TMEM132B: variants seen among roughly 807,000 people sequenced by gnomAD.
TMEM132B encodes transmembrane protein 132B.
TMEM132B carries 18 observed loss-of-function variants against 90.8 expected under a neutral mutation model. The ratio of observed to expected loss-of-function variants is 0.20; its 90% CI spans 0.14 to 0.29. TMEM132B has a LOEUF of 0.29. Ranked by LOEUF, TMEM132B falls within the 10% of genes least tolerant of loss-of-function variation. The pLI, the probability that TMEM132B is intolerant of heterozygous loss-of-function variation, is 1.00. For synonymous variants in TMEM132B, 504 were observed against 523.3 expected, an observed-to-expected ratio of 0.96 and a Z score of 0.50; for missense variants, 1,096 against 1,326.8, an observed-to-expected ratio of 0.83 and a Z score of 2.70.
At chr12:125,409,274 C>T (rs957642080) in intron 2 of TMEM132B, among the ~76,000 whole-genome samples, 14 of 152,162 alleles carry the variant, frequency 9.2e-5, no homozygotes, top group African/African-American at 3.4e-4. Flanking sequence ...GAGACTTCCT[C>T]GTGTCCTGGA....
At chr12:125,248,024 C>A (rs1401421764) in intron 1 of TMEM132B, among the ~76,000 whole-genome samples, 1 of 152,180 alleles carries the variant, frequency 6.6e-6, no homozygotes, top group Non-Finnish European at 1.5e-5. Flanking sequence ...TTCTATGCAG[C>A]CAGGCAGCAT....
chr12:125,310,913 G>A (rs1876107709), intron 1 of TMEM132B, among the ~76,000 whole-genome samples: 1 of 152,200 alleles, frequency 6.6e-6, no homozygotes, highest in Non-Finnish European at 1.5e-5. Flanking sequence ...CAAATACGAT[G>A]TCACATCAAG....
chr12:125,589,205 G>C (rs563443903), intron 5 of TMEM132B, among the ~76,000 whole-genome samples: 1 of 152,080 alleles, frequency 6.6e-6, no homozygotes, highest in Non-Finnish European at 1.5e-5. Context: ...ACCTGAGGCC[G>C]GGCACGGTGG....
intron 2 of TMEM132B, among the ~76,000 whole-genome samples, chr12:125,386,965 ATAGT>A (rs1297380865): frequency 2.0e-5 from 3 of 152,256 alleles, no homozygotes; most frequent in Non-Finnish European, 2.9e-5. Context: ...TGTGGTACTC[ATAGT>A]TAGTCTCTAA....
intron 1 of TMEM132B, among the ~76,000 whole-genome samples, chr12:125,272,943 C>A (rs566302815): frequency 6.6e-6 from 1 of 152,322 alleles, no homozygotes; most frequent in South Asian, 2.1e-4. Flanking sequence ...CCACTGGTGA[C>A]CTCATCTGGA....
rs903882377 is a variant in TMEM132B, at chr12:125,281,856, G to T, written c.68-67596G>T. Among the ~76,000 whole-genome samples the T allele has an allele frequency of 2.0e-5, 3 of 151,526 alleles. No individual in the cohort carries two copies. In the South Asian group the frequency reaches 6.3e-4, roughly 32 times the overall value. On this transcript the variant is annotated intron_variant, in intron 1 of 8. Transcript: ENST00000682704. ...ATTCTGGCTAACACGGTGAAACCCC[G>T]TCTCTACTAAATATACAAAAAATTA...
intron 4 of TMEM132B, among the ~76,000 whole-genome samples, chr12:125,536,014 C>G (rs891547289): frequency 6.6e-6 from 1 of 152,208 alleles, no homozygotes; most frequent in African/African-American, 2.4e-5. Context: ...GCAGCCACAA[C>G]AAGCCAGGAT....
intron 4 of TMEM132B, among the ~76,000 whole-genome samples, chr12:125,524,831 T>C (rs1883404630): frequency 6.6e-6 from 1 of 151,964 alleles, no homozygotes; most frequent in Non-Finnish European, 1.5e-5. Context: ...GCCAAAGGGT[T>C]TAGGGTGGGC....
intron 5 of TMEM132B, among the ~76,000 whole-genome samples, chr12:125,605,496 C>T (rs1885671935): frequency 6.6e-6 from 1 of 152,170 alleles, no homozygotes; most frequent in Non-Finnish European, 1.5e-5. Flanking sequence ...GGCAGAGAGA[C>T]AGGCCTGGTT....
chr12:125,287,332 T>TACC (rs1476889544), intron 1 of TMEM132B, among the ~76,000 whole-genome samples: 1 of 152,208 alleles, frequency 6.6e-6, no homozygotes, highest in African/African-American at 2.4e-5. Context: ...AAGTCCCTTT[T>TACC]ACCATGTAAG....
intron 4 of TMEM132B, among the ~76,000 whole-genome samples, chr12:125,522,789 G>A (rs1171292095): frequency 6.6e-6 from 1 of 152,226 alleles, no homozygotes; most frequent in Non-Finnish European, 1.5e-5. Flanking sequence ...CTCAGCATCA[G>A]AAAGTCAACC....
chr12:125,602,511 T>C (rs969612416), intron 5 of TMEM132B, among the ~76,000 whole-genome samples: 1 of 152,238 alleles, frequency 6.6e-6, no homozygotes, highest in Non-Finnish European at 1.5e-5. Context: ...AGTATCATAC[T>C]GAATGGGCAA....
At chr12:125,348,809 A>G (rs1877454303) in intron 1 of TMEM132B, among the ~76,000 whole-genome samples, 1 of 152,230 alleles carries the variant, frequency 6.6e-6, no homozygotes, top group Non-Finnish European at 1.5e-5. Flanking sequence ...CCGGCTCAGC[A>G]CATATGTTCT....
chr12:125,363,089 C>G (rs1242727130), intron 2 of TMEM132B, among the ~76,000 whole-genome samples: 1 of 152,130 alleles, frequency 6.6e-6, no homozygotes, highest in South Asian at 2.1e-4. Flanking sequence ...TCTCTGGGGT[C>G]GAGGCAGCAG....
chr12:125,305,653 A>G (rs868563333), intron 1 of TMEM132B, among the ~76,000 whole-genome samples: 3 of 152,192 alleles, frequency 2.0e-5, no homozygotes, highest in African/African-American at 7.2e-5. Flanking sequence ...CCAATCTGGG[A>G]CAGGTAATGG....
chr12:125,507,876 G>A (rs1882884291), intron 3 of TMEM132B, among the ~76,000 whole-genome samples: 1 of 152,162 alleles, frequency 6.6e-6, no homozygotes, highest in Non-Finnish European at 1.5e-5. Flanking sequence ...GAGAGTGTGG[G>A]AGTGGTGGTG....
chr12:125,491,509 C>T (rs562278081), intron 3 of TMEM132B, among the ~76,000 whole-genome samples: 22 of 152,320 alleles, frequency 1.4e-4, no homozygotes, highest in African/African-American at 5.3e-4. Context: ...CCTCCATGGC[C>T]ATGATGTTCA....
At chr12:125,377,811 G>C (rs1265085853) in intron 2 of TMEM132B, among the ~76,000 whole-genome samples, 6 of 152,020 alleles carry the variant, frequency 3.9e-5, no homozygotes, top group African/African-American at 1.2e-4. Context: ...CTTGCTATGG[G>C]TTCACTTAAC....
intron 5 of TMEM132B, among the ~76,000 whole-genome samples, chr12:125,600,069 T>C (rs76367950): frequency 6.6e-6 from 1 of 152,144 alleles, no homozygotes; most frequent in African/African-American, 2.4e-5. Context: ...TATGCTATCA[T>C]CATTGGAGGA....
Sources: gnomAD v4.1 joint callset for allele counts (sites outside exome capture counted in the v4.1 genomes callset) on GRCh38, gnomAD v4.1.1 for gene constraint, MANE v1.5 for transcripts, NCBI Gene and HGNC (gene_info 2026-07-23, HGNC 2026-07-21) for gene names.